Variants in ENTPD3 observed in about 807,000 individuals in gnomAD.
ENTPD3 encodes the protein CD39 antigen-like 3.
In ENTPD3, 60 loss-of-function variants were observed where a neutral mutation model predicts 51.2. The ratio of observed to expected loss-of-function variants is 1.17; its 90% confidence interval spans 0.95 to 1.45. ENTPD3 has a LOEUF of 1.45. Ranked by LOEUF, ENTPD3 falls within the 40% of genes most tolerant of loss-of-function variation. ENTPD3 has a pLI of 0.00. For missense variants in ENTPD3, 593 were observed against 641.1 expected (o/e 0.93, Z 0.81); for synonymous variants, 221 against 238.4 (o/e 0.93, Z 0.67).
At chr3:40,402,469 C>T (rs1477434841) in intron 4 of ENTPD3, among the ~76,000 whole-genome samples, 2 of 152,050 alleles carry the variant, frequency 1.3e-5, no homozygotes, top group Admixed American at 6.5e-5. Context: ...ATTAATAAAA[C>T]TTAATATCTT....
chr3:40,405,662 A>T (rs1371042902), intron 4 of ENTPD3, among the ~76,000 whole-genome samples: 1 of 152,026 alleles, frequency 6.6e-6, no homozygotes, highest in African/African-American at 2.4e-5. Context: ...GGGACCAAGT[A>T]TCCAAGTCCA....
At chr3:40,413,415 T>C (rs911339299) in intron 5 of ENTPD3, among the ~76,000 whole-genome samples, 1 of 152,186 alleles carries the variant, frequency 6.6e-6, no homozygotes, top group Non-Finnish European at 1.5e-5. Flanking sequence ...TCAATTCCAT[T>C]AAATGTCTGT....
At chr3:40,401,208 C>T (rs1441398415) in intron 4 of ENTPD3, among the ~76,000 whole-genome samples, 197 bp downstream of exon 4, 1 of 152,170 alleles carries the variant, frequency 6.6e-6, no homozygotes, top group Non-Finnish European at 1.5e-5. Flanking sequence ...CTTCCCTTCT[C>T]TGGGCCTCAG....
At chr3:40,395,800 G>T (rs759792125) in intron 3 of ENTPD3, among the ~76,000 whole-genome samples, 1 of 152,202 alleles carries the variant, frequency 6.6e-6, no homozygotes, top group Non-Finnish European at 1.5e-5. Flanking sequence ...GTGGAAGATG[G>T]ATAGTTCTAC....
chr3:40,427,414 TGC>T lies in ENTPD3; in HGVS notation c.1497_1498del (p.Leu499PhefsTer24). 6.2e-7 allele frequency: 1 copy of T among 1,614,146 alleles called. No individual in the cohort carries two copies. On this transcript the variant is annotated frameshift_variant, in exon 11 of 11. Coordinates refer to ENST00000301825, the MANE Select transcript of ENTPD3 (RefSeq NM_001248.4). LOFTEE classifies it low-confidence loss of function (END_TRUNC). ...CTCGCTTTCTTCACAGCGGCAGCCT[TGC>T]TGTGTCTGGCATTTCTTGCATACCT...
intron 10 of ENTPD3, among the ~76,000 whole-genome samples, chr3:40,426,077 A>AAC (rs1309927721): frequency 6.6e-6 from 1 of 151,264 alleles, no homozygotes; most frequent in Non-Finnish European, 1.5e-5. Flanking sequence ...TGTCAAAGGA[A>AAC]ACACAGAGAT....
At chr3:40,412,298 A>C (rs369223577) in intron 5 of ENTPD3, among the ~76,000 whole-genome samples, 2 of 152,222 alleles carry the variant, frequency 1.3e-5, no homozygotes, top group South Asian at 2.1e-4. Flanking sequence ...ACCTGTGAAC[A>C]ACCAGCTAAG....
At chr3:40,401,728 C>T (rs2125594213) in intron 4 of ENTPD3, among the ~76,000 whole-genome samples, 1 of 152,238 alleles carries the variant, frequency 6.6e-6, no homozygotes, top group Non-Finnish European at 1.5e-5. Context: ...TGTAATTCTT[C>T]CTGTAAATTT....
intron 2 of ENTPD3, 31 bp from the exon 3 acceptor site, chr3:40,391,992 C>G (rs747087154): frequency 1.1e-5 from 18 of 1,613,178 alleles, no homozygotes; most frequent in Admixed American, 1.7e-5. Context: ...TTACCTCCCC[C>G]TCAAGTGTCT....
intron 4 of ENTPD3, among the ~76,000 whole-genome samples, chr3:40,404,670 G>T (rs57110581): frequency 0.028 from 4,248 of 152,250 alleles, 214 homozygotes; most frequent in African/African-American, 0.097. Context: ...TACTCTGAAT[G>T]AACAGAAGAC....
At chr3:40,425,487 AG>A (rs1955963640) in intron 10 of ENTPD3, among the ~76,000 whole-genome samples, 1 of 152,200 alleles carries the variant, frequency 6.6e-6, no homozygotes, top group Non-Finnish European at 1.5e-5. Flanking sequence ...TTTGCTGCAC[AG>A]AAGACTTACA....
chr3:40,422,092 T>C (rs116722889), intron 7 of ENTPD3, among the ~76,000 whole-genome samples: 2,160 of 151,510 alleles, frequency 0.014, 44 homozygotes, highest in African/African-American at 0.04. Context: ...GATCAGATAA[T>C]GTGAGAGAGA....
chr3:40,392,254 C>A, intron 3 of ENTPD3, 104 bp downstream of exon 3: 1 of 1,374,220 alleles, frequency 7.3e-7, no homozygotes, highest in African/African-American at 1.4e-5. Context: ...TCCTTTCCCC[C>A]CATCTCTGGC....
At chr3:40,415,107 C>T (rs1480970652) in intron 6 of ENTPD3, among the ~76,000 whole-genome samples, 2 of 152,126 alleles carry the variant, frequency 1.3e-5, no homozygotes, top group Non-Finnish European at 2.9e-5. Flanking sequence ...GGGGTGGGAT[C>T]TAAATTTAAC....
intron 4 of ENTPD3, 80 bp downstream of exon 4, chr3:40,401,091 T>C: frequency 2.1e-6 from 2 of 962,114 alleles, no homozygotes; most frequent in Non-Finnish European, 3.2e-6. Flanking sequence ...GGAGAGGTCC[T>C]GAGATGTTGC....
chr3:40,424,689 T>C, intron 10 of ENTPD3: 1 of 698,936 alleles, frequency 1.4e-6, no homozygotes. Flanking sequence ...ATACCTTGTT[T>C]TTAGGCAGGG....
At chr3:40,420,192 C>T (rs563844407) in intron 7 of ENTPD3, among the ~76,000 whole-genome samples, 49 of 151,798 alleles carry the variant, frequency 3.2e-4, no homozygotes, top group African/African-American at 1.2e-3. Flanking sequence ...GAAGTAGATA[C>T]TAAATAGCCA....
chr3:40,421,485 G>GA (rs1336491067), intron 7 of ENTPD3, among the ~76,000 whole-genome samples: 2 of 152,100 alleles, frequency 1.3e-5, no homozygotes, highest in Non-Finnish European at 2.9e-5. Flanking sequence ...ATTAAAGATT[G>GA]AATAGTCATA....
At chr3:40,426,942 T>G (rs1262590624) in intron 10 of ENTPD3, among the ~76,000 whole-genome samples, 2 of 152,162 alleles carry the variant, frequency 1.3e-5, no homozygotes, top group East Asian at 3.9e-4. Context: ...AGTAAACCAC[T>G]CATTAGCCTC....
Sources: gnomAD v4.1 joint callset for allele counts (sites outside exome capture counted in the v4.1 genomes callset) on GRCh38, gnomAD v4.1.1 for gene constraint, MANE v1.5 for transcripts, NCBI Gene and HGNC (gene_info 2026-07-23, HGNC 2026-07-21) for gene names.